Variants in CNTN5 observed in about 807,000 individuals in gnomAD.
CNTN5 encodes the protein contactin-5.
CNTN5 carries 77 observed loss-of-function variants against 129.1 expected under a neutral mutation model. That is an observed-to-expected ratio of 0.60 (90% CI 0.50 to 0.72). CNTN5 has a LOEUF of 0.72. Among genes scored for constraint, CNTN5 ranks in the 30% least tolerant of loss-of-function variants. CNTN5 has a pLI of 0.00. For missense variants in CNTN5, 1,478 were observed against 1,328.8 expected (o/e 1.11, Z -1.75); for synonymous variants, 509 against 465.6 (o/e 1.09, Z -1.20).
At chr11:99,788,158 A>G (rs1169916068) in intron 3 of CNTN5, among the ~76,000 whole-genome samples, 3 of 151,922 alleles carry the variant, frequency 2.0e-5, no homozygotes, top group South Asian at 2.1e-4. Context: ...TTCCTCATAT[A>G]GAAAGTTTTT....
At chr11:100,310,089 C>T (rs957889653) in intron 21 of CNTN5, among the ~76,000 whole-genome samples, 14 of 151,922 alleles carry the variant, frequency 9.2e-5, no homozygotes, top group African/African-American at 1.2e-4. Context: ...AACCTGTAAG[C>T]ATCCTCACAG....
intron 2 of CNTN5, among the ~76,000 whole-genome samples, chr11:99,445,991 G>A (rs564092742): frequency 6.6e-6 from 1 of 151,744 alleles, no homozygotes; most frequent in South Asian, 2.1e-4. Context: ...GGCTGAGGCA[G>A]GAGAATCGCT....
intron 17 of CNTN5, among the ~76,000 whole-genome samples, chr11:100,267,587 C>A (rs1482575484): frequency 6.6e-6 from 1 of 151,452 alleles, no homozygotes; most frequent in Non-Finnish European, 1.5e-5. Context: ...GGAAGGCAGC[C>A]CAGGTATAAG....
intron 2 of CNTN5, among the ~76,000 whole-genome samples, chr11:99,419,265 T>C (rs1415201605): frequency 3.3e-5 from 5 of 152,202 alleles, no homozygotes; most frequent in South Asian, 4.1e-4. Flanking sequence ...CCTCTGGAGA[T>C]GTAAATAGAC....
chr11:99,375,307 A>AAG (rs1401586539), intron 2 of CNTN5, among the ~76,000 whole-genome samples: 3,919 of 138,180 alleles, frequency 0.028, 91 homozygotes, highest in African/African-American at 0.084. Context: ...TGTCTCAAAA[A>AAG]AAAAAAAAAA....
intron 1 of CNTN5, among the ~76,000 whole-genome samples, chr11:99,316,130 G>T (rs1009795273): frequency 6.6e-6 from 1 of 152,024 alleles, no homozygotes; most frequent in Non-Finnish European, 1.5e-5. Flanking sequence ...TCCTTGGAAA[G>T]AATGTCCACT....
At chr11:100,242,023 C>T (rs767521229) in intron 16 of CNTN5, among the ~76,000 whole-genome samples, 1 of 152,190 alleles carries the variant, frequency 6.6e-6, no homozygotes, top group Non-Finnish European at 1.5e-5. Context: ...TTGGACTTCT[C>T]TCATATGCTA....
chr11:99,818,584 C>A lies in CNTN5; in HGVS notation c.56-960C>A, dbSNP rs1946669906. 2.0e-5 allele frequency among the ~76,000 whole-genome samples: 3 copies of A among 152,152 alleles called. No individual in the cohort carries two copies. In the South Asian group the frequency reaches 6.2e-4, roughly 32 times the overall value. On this transcript the variant is annotated intron_variant, in intron 3 of 24. Transcript: ENST00000524871. ...AACTGCCAGAGTCTTAGAAGTATTT[C>A]CAAGATCAGCAAATTGTCCAGCTTA...
chr11:100,083,735 T>C (rs893560036), intron 13 of CNTN5, among the ~76,000 whole-genome samples: 1 of 152,152 alleles, frequency 6.6e-6, no homozygotes, highest in African/African-American at 2.4e-5. Context: ...TCTAAATTAA[T>C]GGCATCCACT....
At chr11:100,018,240 C>G (rs1565792255) in intron 9 of CNTN5, among the ~76,000 whole-genome samples, 1 of 151,750 alleles carries the variant, frequency 6.6e-6, no homozygotes. Flanking sequence ...TCGCACAATC[C>G]ACATAATAAG....
intron 13 of CNTN5, among the ~76,000 whole-genome samples, chr11:100,116,254 C>A (rs887784105): frequency 6.6e-6 from 1 of 151,968 alleles, no homozygotes; most frequent in Non-Finnish European, 1.5e-5. Flanking sequence ...CAACAAACAG[C>A]AGTTTTATAT....
intron 3 of CNTN5, among the ~76,000 whole-genome samples, chr11:99,792,096 C>G (rs192555244): frequency 2.6e-5 from 4 of 151,922 alleles, no homozygotes; most frequent in Admixed American, 2.6e-4. Context: ...TTATTTTTTT[C>G]TCTTGCCTGT....
At chr11:99,433,665 C>G (rs534846696) in intron 2 of CNTN5, among the ~76,000 whole-genome samples, 1 of 152,106 alleles carries the variant, frequency 6.6e-6, no homozygotes, top group African/African-American at 2.4e-5. Context: ...CAGAGTGATT[C>G]AATAATATTC....
At chr11:99,591,337 CT>C (rs10633238) in intron 3 of CNTN5, among the ~76,000 whole-genome samples, 28 of 113,094 alleles carry the variant, frequency 2.5e-4, no homozygotes, top group African/African-American at 5.3e-4. Flanking sequence ...TCAACAAAAC[CT>C]TTTTTTTTTT....
At chr11:99,609,261 A>C (rs1950523920) in intron 3 of CNTN5, among the ~76,000 whole-genome samples, 1 of 152,202 alleles carries the variant, frequency 6.6e-6, no homozygotes, top group African/African-American at 2.4e-5. Context: ...ACAGTAGATA[A>C]ACAAGGATAT....
At chr11:100,180,529 A>G (rs997627171) in intron 13 of CNTN5, among the ~76,000 whole-genome samples, 1 of 151,986 alleles carries the variant, frequency 6.6e-6, no homozygotes, top group African/African-American at 2.4e-5. Flanking sequence ...AAATTTTAAA[A>G]ATACACACAA....
intron 6 of CNTN5, among the ~76,000 whole-genome samples, chr11:99,904,072 T>C (rs1378312522): frequency 6.6e-6 from 1 of 152,194 alleles, no homozygotes; most frequent in Non-Finnish European, 1.5e-5. Context: ...TGTTTTCTTT[T>C]ATTGCTTGCA....
At chr11:99,460,217 T>C (rs559532498) in intron 2 of CNTN5, among the ~76,000 whole-genome samples, 2 of 151,572 alleles carry the variant, frequency 1.3e-5, no homozygotes, top group Non-Finnish European at 3.0e-5. Flanking sequence ...AAATTATTTC[T>C]TAAATAGAAA....
At chr11:99,299,767 ATG>A (rs1448251757) in intron 1 of CNTN5, among the ~76,000 whole-genome samples, 2 of 152,124 alleles carry the variant, frequency 1.3e-5, no homozygotes, top group Admixed American at 1.3e-4. Context: ...TAGTGTGCGC[ATG>A]TGTGTGTGTT....
Sources: allele counts gnomAD v4.1 joint callset (sites outside exome capture counted in the v4.1 genomes callset), GRCh38; gene constraint gnomAD v4.1.1; transcripts MANE v1.5; gene names NCBI Gene and HGNC (gene_info 2026-07-23, HGNC 2026-07-21).